COL23A1: variants seen among roughly 807,000 people sequenced by gnomAD.
COL23A1 encodes the protein collagen alpha-1(XXIII) chain.
In COL23A1, 97 loss-of-function variants were observed where a neutral mutation model predicts 99.3. That is an observed-to-expected ratio of 0.98 (90% CI 0.83 to 1.16). The LOEUF (loss-of-function observed/expected upper bound fraction) is 1.16. Among genes scored for constraint, COL23A1 ranks in the 50% most tolerant of loss-of-function variants. COL23A1 has a pLI of 0.00. For synonymous variants in COL23A1, 320 were observed against 308.2 expected, an observed-to-expected ratio of 1.04 and a Z score of -0.40; for missense variants, 762 against 757.4, an observed-to-expected ratio of 1.01 and a Z score of -0.07.
intron 3 of COL23A1, among the ~76,000 whole-genome samples, chr5:178,302,662 GC>G (rs1758137701): frequency 6.6e-6 from 1 of 152,242 alleles, no homozygotes; most frequent in Non-Finnish European, 1.5e-5. Context: ...ATAAGCTGGA[GC>G]TTTTCAAAGC....
chr5:178,345,522 A>AT (rs34350142), intron 2 of COL23A1, among the ~76,000 whole-genome samples: 21,997 of 142,964 alleles, frequency 0.15, 1,797 homozygotes, highest in Middle Eastern at 0.21. Context: ...TGCTGACACC[A>AT]TTTTTTTTTT....
chr5:178,302,695 T>C (rs1178109972), intron 3 of COL23A1, among the ~76,000 whole-genome samples: 1 of 152,226 alleles, frequency 6.6e-6, no homozygotes, highest in East Asian at 1.9e-4. Context: ...TCTCATTCCC[T>C]ATATTTTTAT....
intron 2 of COL23A1, among the ~76,000 whole-genome samples, chr5:178,460,815 C>T (rs1756078459): frequency 6.6e-6 from 1 of 152,058 alleles, no homozygotes; most frequent in Non-Finnish European, 1.5e-5. Context: ...GATATATGGA[C>T]AAAAATAAAA....
chr5:178,457,833 T>A (rs1056114053), intron 2 of COL23A1, among the ~76,000 whole-genome samples: 1 of 152,218 alleles, frequency 6.6e-6, no homozygotes, highest in Admixed American at 6.5e-5. Flanking sequence ...TAAAACTAGG[T>A]AGCCTTGAAT....
intron 2 of COL23A1, among the ~76,000 whole-genome samples, chr5:178,505,725 C>T (rs977428791): frequency 3.9e-5 from 6 of 152,074 alleles, no homozygotes; most frequent in South Asian, 2.1e-4. Flanking sequence ...ACCCATAACA[C>T]GAAGGTAATC....
At chr5:178,523,201 T>TATATATATATATAG (rs1223542330) in intron 2 of COL23A1, among the ~76,000 whole-genome samples, 45 of 77,594 alleles carry the variant, frequency 5.8e-4, no homozygotes, top group Admixed American at 1.5e-3. Context: ...TATATATATA[T>TATATATATATATAG]AGAGAGAGAG....
chr5:178,555,139 G>T (rs545787632), intron 2 of COL23A1, among the ~76,000 whole-genome samples: 24 of 151,370 alleles, frequency 1.6e-4, no homozygotes, highest in African/African-American at 5.2e-4. Context: ...CACATGGCCT[G>T]CCCTCTGCAT....
chr5:178,267,201 G>T, intron 8 of COL23A1, 106 bp downstream of exon 8: 2 of 1,274,364 alleles, frequency 1.6e-6, no homozygotes, highest in Non-Finnish European at 2.3e-6. Context: ...GCCTCTTTCT[G>T]TGATGAGCTG....
intron 2 of COL23A1, among the ~76,000 whole-genome samples, chr5:178,349,051 C>T (rs749123215): frequency 1.4e-4 from 22 of 152,050 alleles, no homozygotes; most frequent in Non-Finnish European, 2.9e-4. Context: ...TGCGTCTTGC[C>T]GGGCAGTCTG....
chr5:178,404,324 C>T (rs951470044), intron 2 of COL23A1, among the ~76,000 whole-genome samples: 3 of 152,154 alleles, frequency 2.0e-5, no homozygotes, highest in African/African-American at 7.2e-5. Context: ...ATAGAAGACA[C>T]AGGTGTGGAT....
At chr5:178,579,276 G>A (rs961924534) in intron 1 of COL23A1, among the ~76,000 whole-genome samples, 2 of 152,200 alleles carry the variant, frequency 1.3e-5, no homozygotes, top group Non-Finnish European at 2.9e-5. Context: ...ACGACATGCT[G>A]AGCGCTTGGG....
intron 2 of COL23A1, among the ~76,000 whole-genome samples, chr5:178,490,301 T>C (rs758057968): frequency 6.6e-6 from 1 of 151,814 alleles, no homozygotes; most frequent in Non-Finnish European, 1.5e-5. Context: ...TGCTACTCCA[T>C]GGAGAAACTT....
rs76592681 is a variant in COL23A1, at chr5:178,562,152, G to A, written c.295-1404C>T. The A allele has an allele frequency of 5.4e-3, 2,644 of 493,914 alleles. 107 individuals carry two copies. The East Asian group carries it at 0.11, about 20-fold the overall frequency. The allele number at this position is 493,914 out of a possible 1,614,324, so 30.6% of individuals were successfully genotyped here. On this transcript the variant is annotated intron_variant, in intron 1 of 28. Transcript: ENST00000390654. The stretch of plus-strand genomic sequence containing the variant: ...AGCTGCTTGGGAGACTGAGGCTGGA[G>A]AACTGCTTTAACGCGAGAGGCGGAG...
At chr5:178,251,904 C>CT (rs1296189772) in intron 17 of COL23A1, among the ~76,000 whole-genome samples, 8 of 111,174 alleles carry the variant, frequency 7.2e-5, no homozygotes, top group Admixed American at 1.1e-4. Flanking sequence ...CTTTCATTTT[C>CT]TTTTCTTTTT....
At chr5:178,535,475 T>C (rs1369452707) in intron 2 of COL23A1, among the ~76,000 whole-genome samples, 1 of 152,232 alleles carries the variant, frequency 6.6e-6, no homozygotes, top group Non-Finnish European at 1.5e-5. Flanking sequence ...CTGAAGGCGC[T>C]CTGTATACCG....
At chr5:178,319,215 A>G (rs1318899766) in intron 2 of COL23A1, among the ~76,000 whole-genome samples, 1 of 152,130 alleles carries the variant, frequency 6.6e-6, no homozygotes, top group Non-Finnish European at 1.5e-5. Flanking sequence ...AGAGCCTGTC[A>G]TCTCCTGGGA....
chr5:178,257,161 C>T (rs961277350), intron 13 of COL23A1, among the ~76,000 whole-genome samples: 10 of 152,122 alleles, frequency 6.6e-5, no homozygotes, highest in Admixed American at 1.3e-4. Flanking sequence ...CTTGGGGCAG[C>T]GCAGGGGCTC....
chr5:178,495,498 C>T lies in COL23A1; in HGVS notation c.361+65184G>A, dbSNP rs560944611. Among the ~76,000 whole-genome samples, 14 of 152,164 alleles carry T rather than the reference C, an allele frequency of 9.2e-5. 1 individual carries two copies. The South Asian group carries it at 2.9e-3, about 32-fold the overall frequency. ...GTAAGAACATTTAAACTTAACAGCC[C>T]GAATCCTCTGGAGAGATGCTAGATG... On this transcript the variant is annotated intron_variant, in intron 2 of 28. Transcript: ENST00000390654.
intron 2 of COL23A1, chr5:178,438,915 C>G (rs761978469): frequency 2.0e-5 from 3 of 152,144 alleles, no homozygotes; most frequent in African/African-American, 7.2e-5. Context: ...ACAGGCTTCC[C>G]CCTGTCCCAA....
Sources: allele counts gnomAD v4.1 joint callset (sites outside exome capture counted in the v4.1 genomes callset), GRCh38; gene constraint gnomAD v4.1.1; transcripts MANE v1.5; gene names NCBI Gene and HGNC (gene_info 2026-07-23, HGNC 2026-07-21).